The following AFF4 variants were observed in gnomAD, a reference collection of about 807,000 sequenced individuals.
AFF4 encodes the protein AF4/FMR2 family member 4.
AFF4 carries 13 observed loss-of-function variants against 124.8 expected under a neutral mutation model. The observed-to-expected ratio is 0.10, with a 90% confidence interval of 0.07 to 0.17. AFF4 has a LOEUF of 0.17. Among genes scored for constraint, AFF4 ranks in the 10% least tolerant of loss-of-function variants. The pLI, the probability that AFF4 is intolerant of heterozygous loss-of-function variation, is 1.00. For synonymous variants in AFF4, 477 were observed against 496.1 expected, an observed-to-expected ratio of 0.96 and a Z score of 0.51; for missense variants, 1,092 against 1,403.8, an observed-to-expected ratio of 0.78 and a Z score of 3.55.
chr5:132,957,090 C>G (rs987641273), intron 1 of AFF4, among the ~76,000 whole-genome samples: 1 of 143,146 alleles, frequency 7.0e-6, no homozygotes, highest in African/African-American at 2.6e-5. Flanking sequence ...CCTGGAATCT[C>G]AGCACACTGA....
intron 5 of AFF4, among the ~76,000 whole-genome samples, chr5:132,907,452 T>C (rs1204743617): frequency 1.3e-5 from 2 of 152,188 alleles, no homozygotes; most frequent in African/African-American, 2.4e-5. Flanking sequence ...CCTGCCCCCA[T>C]GGAGCTTAAC....
In AFF4 at chr5:132,876,048, C is replaced by G. The variant is rs1759829835; in HGVS notation, c.*5011G>C. On this transcript the variant is annotated 3_prime_UTR_variant, in exon 21 of 21. Transcript: ENST00000265343. ...ATTTTCAATAAATATATAAGCATTTCCATCCTCCATATACAAAATTTCTTA... is the reference window on the plus strand; with the variant it reads ...ATTTTCAATAAATATATAAGCATTTGCATCCTCCATATACAAAATTTCTTA... 1.8e-5 allele frequency: 4 copies of G among 225,166 alleles called. No individual in the cohort carries two copies. Among genetic ancestry groups the G allele is most frequent in the Non-Finnish European group, 3.5e-5 (4 of 113,198 alleles). 13.9% of individuals were successfully genotyped at this position (225,166 alleles called of 1,614,324 possible). A position where few individuals can be genotyped will look rare whatever the true frequency, so the allele number is the denominator to read the frequency against.
At chr5:132,900,585 A>C (rs566766975) in intron 7 of AFF4, among the ~76,000 whole-genome samples, 2 of 152,052 alleles carry the variant, frequency 1.3e-5, no homozygotes, top group South Asian at 4.2e-4. Flanking sequence ...AACAAAAAAA[A>C]CTCCCAAGTT....
chr5:132,958,537 G>A (rs1256181887), intron 1 of AFF4, among the ~76,000 whole-genome samples: 1 of 151,284 alleles, frequency 6.6e-6, no homozygotes, highest in African/African-American at 2.4e-5. Flanking sequence ...ATCACAACTG[G>A]AGTGGGGTGA....
At chr5:132,919,234 T>C (rs922533871) in intron 5 of AFF4, among the ~76,000 whole-genome samples, 5 of 152,190 alleles carry the variant, frequency 3.3e-5, no homozygotes, top group South Asian at 2.1e-4. Context: ...AAATCTACTT[T>C]GAAAAACACT....
In AFF4 at chr5:132,879,611, A is replaced by G. The variant is rs917400982; in HGVS notation, c.*1448T>C. The G allele has an allele frequency of 4.8e-6, 1 of 208,256 alleles. No homozygotes were observed. The highest frequency in any genetic ancestry group is 9.8e-6 in the Non-Finnish European group (1 of 101,974). The allele number at this position is 208,256 out of a possible 1,614,324, so 12.9% of individuals were successfully genotyped here. Reference sequence around the variant, plus strand: ...AAAACTTCATTTGTAAACAATCCATAGAGTCTTCATTTAAAGGTAAGATTT... The same window carrying G: ...AAAACTTCATTTGTAAACAATCCATGGAGTCTTCATTTAAAGGTAAGATTT... On this transcript the variant is annotated 3_prime_UTR_variant, in exon 21 of 21. Transcript: ENST00000265343.
At chr5:132,898,485 C>A in intron 9 of AFF4, 93 bp from the exon 10 acceptor site, 1 of 1,346,756 alleles carries the variant, frequency 7.4e-7, no homozygotes, top group Non-Finnish European at 9.9e-7. Context: ...TTTTTTTCTT[C>A]TTGTCTTTTT....
chr5:132,947,094 G>C (rs1243871800), intron 1 of AFF4, among the ~76,000 whole-genome samples: 5 of 152,046 alleles, frequency 3.3e-5, no homozygotes, highest in Admixed American at 1.3e-4. Flanking sequence ...ATGACTTTTT[G>C]CAAGTTTAAT....
intron 1 of AFF4, chr5:132,943,994 C>A (rs73260944): frequency 0.025 from 3,915 of 154,336 alleles, 142 homozygotes; most frequent in African/African-American, 0.089. Context: ...TTGAGAGCTT[C>A]TGACTATCCT....
intron 4 of AFF4, 102 bp downstream of exon 4, chr5:132,932,076 G>A: frequency 1.4e-6 from 1 of 692,696 alleles, no homozygotes; most frequent in Non-Finnish European, 2.3e-6. Flanking sequence ...TAAGCAATCT[G>A]TTGCTTCAGA....
intron 1 of AFF4, among the ~76,000 whole-genome samples, chr5:132,939,972 C>T (rs1581324273): frequency 6.6e-6 from 1 of 152,270 alleles, no homozygotes; most frequent in South Asian, 2.1e-4. Context: ...CCAAGGCGGG[C>T]GGATCACTGG....
chr5:132,931,414 G>A (rs750757630), intron 4 of AFF4, among the ~76,000 whole-genome samples: 8 of 152,142 alleles, frequency 5.3e-5, no homozygotes, highest in Non-Finnish European at 8.8e-5. Flanking sequence ...GGGTAACAGA[G>A]TGAGACTCCA....
intron 5 of AFF4, among the ~76,000 whole-genome samples, chr5:132,905,532 T>C (rs892254272): frequency 4.6e-5 from 7 of 152,254 alleles, no homozygotes; most frequent in African/African-American, 7.2e-5. Context: ...CTCAACTGAT[T>C]TTCCAAGAGG....
intron 5 of AFF4, among the ~76,000 whole-genome samples, chr5:132,912,924 A>T (rs1482227450): frequency 6.6e-6 from 1 of 152,094 alleles, no homozygotes; most frequent in Non-Finnish European, 1.5e-5. Context: ...GCAAGATAGT[A>T]GATTTAAGCC....
intron 1 of AFF4, among the ~76,000 whole-genome samples, chr5:132,941,482 C>T (rs557411947): frequency 6.6e-6 from 1 of 152,222 alleles, no homozygotes; most frequent in South Asian, 2.1e-4. Context: ...TACAGGCACA[C>T]ACCACCACAC....
At chr5:132,950,886 G>A (rs539562989) in intron 1 of AFF4, among the ~76,000 whole-genome samples, 5 of 152,016 alleles carry the variant, frequency 3.3e-5, no homozygotes, top group African/African-American at 1.2e-4. Flanking sequence ...TGAATCCTAC[G>A]AATCCTTTCC....
Position 132,902,488 on chromosome 5 carries a change from C to T in AFF4, c.1088-1G>A. 6.2e-7 allele frequency: 1 copy of T among 1,606,906 alleles called. No homozygotes were observed. The highest frequency in any genetic ancestry group is 2.2e-5 in the East Asian group (1 of 44,784). Reference sequence around the variant, plus strand: ...GAAGTTTTAGAAGGATTATATCTTTCTGGAACAAAAAGAATGAAGTGAGCA... The same window carrying T: ...GAAGTTTTAGAAGGATTATATCTTTTTGGAACAAAAAGAATGAAGTGAGCA... On this transcript the variant is annotated splice_acceptor_variant, in intron 6 of 20. Transcript: ENST00000265343. LOFTEE classifies it high-confidence loss of function.
At chr5:132,947,897 T>C (rs927112232) in intron 1 of AFF4, among the ~76,000 whole-genome samples, 3 of 152,236 alleles carry the variant, frequency 2.0e-5, no homozygotes, top group Non-Finnish European at 2.9e-5. Flanking sequence ...GAGACTTCTA[T>C]AGCCTTCAGG....
intron 20 of AFF4, among the ~76,000 whole-genome samples, chr5:132,882,800 G>C (rs1760015458): frequency 6.8e-6 from 1 of 147,952 alleles, no homozygotes; most frequent in Non-Finnish European, 1.5e-5. Flanking sequence ...GCTGCAGTGA[G>C]TCGAGATCGT....
Sources: allele counts gnomAD v4.1 joint callset (sites outside exome capture counted in the v4.1 genomes callset), GRCh38; gene constraint gnomAD v4.1.1; transcripts MANE v1.5; gene names NCBI Gene and HGNC (gene_info 2026-07-23, HGNC 2026-07-21).